SLCO1B3: variants seen among roughly 807,000 people sequenced by gnomAD.
SLCO1B3 encodes liver-specific organic anion transporter 2.
Under a neutral mutation model 71.8 loss-of-function variants are expected in SLCO1B3, and 72 were observed. That is an observed-to-expected ratio of 1.00 (90% CI 0.83 to 1.22). The LOEUF (loss-of-function observed/expected upper bound fraction) is 1.22. SLCO1B3 is among the 50% of genes most tolerant of loss of function. The pLI, the probability that SLCO1B3 is intolerant of heterozygous loss-of-function variation, is 0.00. For synonymous variants in SLCO1B3, 298 were observed against 278.4 expected, an observed-to-expected ratio of 1.07 and a Z score of -0.70; for missense variants, 911 against 819.7, an observed-to-expected ratio of 1.11 and a Z score of -1.36.
At chr12:20,880,060 T>C (rs894271282) in intron 11 of SLCO1B3, among the ~76,000 whole-genome samples, 1 of 151,850 alleles carries the variant, frequency 6.6e-6, no homozygotes, top group Non-Finnish European at 1.5e-5. Flanking sequence ...TTTTCTTAAT[T>C]TAAATTCTAT....
At chr12:20,873,118 C>T (rs758933118) in intron 8 of SLCO1B3, among the ~76,000 whole-genome samples, 14 of 152,164 alleles carry the variant, frequency 9.2e-5, no homozygotes, top group Non-Finnish European at 1.5e-4. Context: ...TTTCTTACCT[C>T]ATCACTCTGC....
intron 13 of SLCO1B3, among the ~76,000 whole-genome samples, chr12:20,892,987 T>G (rs917139727): frequency 1.2e-4 from 19 of 152,094 alleles, no homozygotes; most frequent in African/African-American, 4.6e-4. Context: ...ACAGAATATA[T>G]GCAGATGAGC....
intron 3 of SLCO1B3, among the ~76,000 whole-genome samples, chr12:20,846,510 A>T: frequency 6.6e-6 from 1 of 152,236 alleles, no homozygotes; most frequent in East Asian, 1.9e-4. Context: ...GCAAACATTC[A>T]GTCCTTAACA....
At chr12:20,903,785 C>T (rs1489907696) in intron 15 of SLCO1B3, among the ~76,000 whole-genome samples, 1 of 152,088 alleles carries the variant, frequency 6.6e-6, no homozygotes, top group Non-Finnish European at 1.5e-5. Context: ...CTGGTCGTTC[C>T]CAAATCTCCT....
intron 3 of SLCO1B3, among the ~76,000 whole-genome samples, chr12:20,834,237 T>G (rs1217557707): frequency 1.4e-5 from 2 of 145,776 alleles, no homozygotes; most frequent in Non-Finnish European, 3.0e-5. Flanking sequence ...TGTGTATATA[T>G]AGTAAACATA....
intron 3 of SLCO1B3, among the ~76,000 whole-genome samples, chr12:20,822,534 T>C (rs945641475): frequency 1.3e-5 from 2 of 152,130 alleles, no homozygotes; most frequent in African/African-American, 4.8e-5. Flanking sequence ...CTTTTGTGAT[T>C]CTTCAGTTAC....
intron 9 of SLCO1B3, among the ~76,000 whole-genome samples, chr12:20,876,830 T>C (rs2121296099): frequency 6.6e-6 from 1 of 152,222 alleles, no homozygotes; most frequent in South Asian, 2.1e-4. Flanking sequence ...TCCATAACAA[T>C]TGATGAATTT....
intron 8 of SLCO1B3, among the ~76,000 whole-genome samples, chr12:20,867,432 C>CA (rs767081668): frequency 0.02 from 2,598 of 131,288 alleles, 46 homozygotes; most frequent in East Asian, 0.074. Flanking sequence ...TGGATATGGC[C>CA]AAAAAAAAAA....
intron 3 of SLCO1B3, among the ~76,000 whole-genome samples, chr12:20,828,346 A>C (rs1864470583): frequency 6.6e-6 from 1 of 151,736 alleles, no homozygotes; most frequent in South Asian, 2.1e-4. Context: ...AACAGGCATT[A>C]AGAACTGAGA....
intron 5 of SLCO1B3, chr12:20,858,831 T>A (rs1865196383): frequency 5.0e-6 from 1 of 198,566 alleles, no homozygotes; most frequent in Non-Finnish European, 1.0e-5. Context: ...ATGAAATGAA[T>A]ATCTTATTTA....
At chr12:20,830,689 CTT>C (rs768974038) in intron 3 of SLCO1B3, among the ~76,000 whole-genome samples, 5 of 152,152 alleles carry the variant, frequency 3.3e-5, no homozygotes, top group Admixed American at 6.6e-5. Flanking sequence ...ACAGAATTCA[CTT>C]GCAATAATGT....
At chr12:20,885,500 G>A (rs924715445) in intron 13 of SLCO1B3, among the ~76,000 whole-genome samples, 5 of 117,628 alleles carry the variant, frequency 4.3e-5, no homozygotes, top group Admixed American at 9.5e-5. Flanking sequence ...CAGGGTAAAT[G>A]TGAAGCACTA....
At chr12:20,886,400 A>G (rs1227997498) in intron 13 of SLCO1B3, among the ~76,000 whole-genome samples, 1 of 152,082 alleles carries the variant, frequency 6.6e-6, no homozygotes, top group African/African-American at 2.4e-5. Context: ...GACTGGGTAC[A>G]GATAGAAACT....
intron 15 of SLCO1B3, among the ~76,000 whole-genome samples, chr12:20,908,472 C>A (rs1866300952): frequency 6.6e-6 from 1 of 152,140 alleles, no homozygotes; most frequent in African/African-American, 2.4e-5. Context: ...GATACATAAC[C>A]ACCACTCCAC....
At chr12:20,864,508 A>G (rs1476366894) in intron 8 of SLCO1B3, among the ~76,000 whole-genome samples, 1 of 152,222 alleles carries the variant, frequency 6.6e-6, no homozygotes, top group Non-Finnish European at 1.5e-5. Flanking sequence ...TTATAAAACT[A>G]AAGCAAGTAC....
intron 11 of SLCO1B3, 134 bp from the exon 12 acceptor site, chr12:20,880,721 T>C: frequency 1.8e-6 from 1 of 557,058 alleles, no homozygotes; most frequent in African/African-American, 2.0e-5. Flanking sequence ...ACCCTTTCTC[T>C]TATTTCTCTT....
chr12:20,821,724 G>A lies in SLCO1B3; in HGVS notation c.84+5902G>A, dbSNP rs141665228. Among the ~76,000 whole-genome samples, 1,263 of 152,222 alleles carry A rather than the reference G, an allele frequency of 8.3e-3. 18 individuals are homozygous for A. The highest frequency in any genetic ancestry group is 0.029 in the African/African-American group (1,209 of 41,528). On this transcript the variant is annotated intron_variant, in intron 3 of 15. Coordinates refer to ENST00000381545, the MANE Select transcript of SLCO1B3 (RefSeq NM_019844.4). ...GTACTTGCCCCTCCCCCAGAAAAGC[G>A]GGACTTGCGGCTAAGGGTGAAGGAC...
At chr12:20,862,122 A>G (rs1389121263) in intron 6 of SLCO1B3, among the ~76,000 whole-genome samples, 1 of 152,190 alleles carries the variant, frequency 6.6e-6, no homozygotes, top group African/African-American at 2.4e-5. Flanking sequence ...CTGGATTTTT[A>G]AATATGTAAT....
chr12:20,836,746 A>G (rs537176658), intron 3 of SLCO1B3, among the ~76,000 whole-genome samples: 349 of 152,136 alleles, frequency 2.3e-3, no homozygotes, highest in African/African-American at 7.9e-3. Flanking sequence ...GGTTCATGCC[A>G]TTCTCCTGCC....
Sources: gnomAD v4.1 joint callset for allele counts (sites outside exome capture counted in the v4.1 genomes callset) on GRCh38, gnomAD v4.1.1 for gene constraint, MANE v1.5 for transcripts, NCBI Gene and HGNC (gene_info 2026-07-23, HGNC 2026-07-21) for gene names.